The following SOX6 variants were observed in gnomAD, a reference collection of about 807,000 sequenced individuals.
SOX6 encodes the protein SRY-box transcription factor 6, also known as transcription factor SOX-6.
SOX6 carries 11 observed loss-of-function variants against 97.8 expected under a neutral mutation model. That is an observed-to-expected ratio of 0.11 (90% CI 0.07 to 0.19). The LOEUF is 0.19. SOX6 is among the 10% of genes least tolerant of loss of function. The pLI is 1.00. For synonymous variants in SOX6, 360 were observed against 371.4 expected, an observed-to-expected ratio of 0.97 and a Z score of 0.35; for missense variants, 810 against 1,039.5, an observed-to-expected ratio of 0.78 and a Z score of 3.04.
chr11:16,267,918 A>G (rs778870662), intron 3 of SOX6, among the ~76,000 whole-genome samples: 1 of 151,540 alleles, frequency 6.6e-6, no homozygotes, highest in Non-Finnish European at 1.5e-5. Context: ...ATTGGAGAAC[A>G]TCATGCTAAG....
chr11:16,138,141 G>A (rs1344798898), intron 6 of SOX6, among the ~76,000 whole-genome samples: 2 of 152,132 alleles, frequency 1.3e-5, no homozygotes, highest in Non-Finnish European at 2.9e-5. Context: ...CTTTGCCATA[G>A]TTCTACATAT....
intron 3 of SOX6, among the ~76,000 whole-genome samples, chr11:16,625,142 T>C (rs1254269713): frequency 6.6e-6 from 1 of 152,198 alleles, no homozygotes; most frequent in Non-Finnish European, 1.5e-5. Context: ...GTCCACATTA[T>C]TAGTTTTTTT....
intron 4 of SOX6, among the ~76,000 whole-genome samples, chr11:16,606,250 A>G (rs1403971426): frequency 8.1e-6 from 1 of 123,970 alleles, no homozygotes; most frequent in African/African-American, 3.0e-5. Flanking sequence ...TTTCCTTTAT[A>G]TCTTTCTTTT....
rs140500482 is a variant in SOX6, at chr11:16,559,763, A to G, written n.609+52318T>C. Among the ~76,000 whole-genome samples, 1,056 of 152,202 alleles carry G rather than the reference A, an allele frequency of 6.9e-3. 9 individuals are homozygous for G. The highest frequency in any genetic ancestry group is 0.024 in the African/African-American group (1,008 of 41,544). ...TTGCTACTGGTTTTCATGCCTTATT[A>G]ATTGTATTGTACCAGTCTTTCCAAA... On this transcript the variant is annotated intron_variant and non_coding_transcript_variant, in intron 4 of 5. Transcript: ENST00000524520.
At chr11:16,425,988 G>A (rs534096727) in intron 1 of SOX6, among the ~76,000 whole-genome samples, 10 of 151,858 alleles carry the variant, frequency 6.6e-5, no homozygotes, top group Non-Finnish European at 1.2e-4. Context: ...TGGGCGCAGT[G>A]GCTCTCACCT....
intron 1 of SOX6, among the ~76,000 whole-genome samples, chr11:16,413,258 G>A (rs1858858399): frequency 6.6e-6 from 1 of 152,042 alleles, no homozygotes; most frequent in Non-Finnish European, 1.5e-5. Flanking sequence ...TTCTTCATTC[G>A]ATAACTTTTG....
intron 3 of SOX6, among the ~76,000 whole-genome samples, chr11:16,662,889 C>A (rs775548624): frequency 2.0e-5 from 3 of 151,960 alleles, no homozygotes; most frequent in Non-Finnish European, 4.4e-5. Flanking sequence ...GATAGTGTCT[C>A]CTATGTTTCC....
rs574536191 is a variant in SOX6 at position 16,496,845 on chromosome 11, C to G, written n.610-20457G>C. 2.6e-5 allele frequency among the ~76,000 whole-genome samples: 4 copies of G among 152,284 alleles called. No individual in the cohort carries two copies. In the East Asian group the frequency reaches 7.7e-4, roughly 29 times the overall value. Reference sequence around the variant, plus strand: ...GAAGCTCAAACTGGGTGGAGCCCACCGCAGGTCAAGGAGGCCTGCCTGCCT... The same window carrying G: ...GAAGCTCAAACTGGGTGGAGCCCACGGCAGGTCAAGGAGGCCTGCCTGCCT... On this transcript the variant is annotated intron_variant and non_coding_transcript_variant, in intron 4 of 5. Transcript: ENST00000524520.
In SOX6 at chr11:16,247,261, T is replaced by A. The variant is rs564760714; in HGVS notation, c.446-12590A>T. 1.8e-4 allele frequency among the ~76,000 whole-genome samples: 27 copies of A among 152,320 alleles called. No homozygotes were observed. In the South Asian group the frequency reaches 3.9e-3, roughly 22 times the overall value. On this transcript the variant is annotated intron_variant, in intron 3 of 15. Coordinates refer to ENST00000683767, the MANE Select transcript of SOX6 (RefSeq NM_001367873.1). ...GATTTTATTCCTTTTTATCGCTGAA[T>A]AATATTTATTGTGTATATGTGCCAT... is the stretch of plus-strand genomic sequence containing the variant.
chr11:16,302,612 C>T (rs993975442), intron 3 of SOX6, among the ~76,000 whole-genome samples: 33 of 143,622 alleles, frequency 2.3e-4, no homozygotes, highest in Non-Finnish European at 4.1e-4. Flanking sequence ...GCTCTGTCAC[C>T]CAGGCTGGAG....
intron 3 of SOX6, among the ~76,000 whole-genome samples, chr11:16,674,920 G>A (rs1246546410): frequency 6.6e-6 from 1 of 152,210 alleles, no homozygotes; most frequent in East Asian, 1.9e-4. Context: ...ACACACCACT[G>A]CACTCCAGCC....
intron 2 of SOX6, among the ~76,000 whole-genome samples, chr11:16,717,993 GA>G (rs1318591182): frequency 6.7e-6 from 1 of 149,376 alleles, no homozygotes; most frequent in East Asian, 2.0e-4. Flanking sequence ...TTGGGGGAGG[GA>G]AAAGAAGGAA....
chr11:16,575,425 C>T (rs1240781551), intron 4 of SOX6, among the ~76,000 whole-genome samples: 1 of 151,948 alleles, frequency 6.6e-6, no homozygotes, highest in South Asian at 2.1e-4. Flanking sequence ...CACATGGCCA[C>T]TAAGAATGAA....
intron 2 of SOX6, among the ~76,000 whole-genome samples, chr11:16,732,489 G>A (rs1461252121): frequency 6.6e-6 from 1 of 152,132 alleles, no homozygotes; most frequent in African/African-American, 2.4e-5. Context: ...AACGGGGAAA[G>A]GATTCCTTAT....
intron 4 of SOX6, among the ~76,000 whole-genome samples, chr11:16,593,961 C>T (rs976100246): frequency 1.3e-5 from 2 of 152,112 alleles, no homozygotes; most frequent in African/African-American, 4.8e-5. Flanking sequence ...TTTTTATATG[C>T]TCTATTTACA....
At chr11:16,025,534 T>G (rs1855193842) in intron 12 of SOX6, among the ~76,000 whole-genome samples, 1 of 152,216 alleles carries the variant, frequency 6.6e-6, no homozygotes, top group African/African-American at 2.4e-5. Context: ...GGGAATTCTA[T>G]TAGTTCAAAA....
intron 4 of SOX6, among the ~76,000 whole-genome samples, chr11:16,231,188 C>T (rs1327781201): frequency 6.6e-6 from 1 of 151,564 alleles, no homozygotes; most frequent in Non-Finnish European, 1.5e-5. Context: ...GAAAGATTGA[C>T]AGCAAAACCA....
At chr11:16,273,697 A>G (rs1181339571) in intron 3 of SOX6, among the ~76,000 whole-genome samples, 1 of 152,076 alleles carries the variant, frequency 6.6e-6, no homozygotes, top group Admixed American at 6.6e-5. Flanking sequence ...ATATAATGCT[A>G]AAGAAAGATG....
chr11:16,102,032 C>T (rs1848960645), intron 7 of SOX6, among the ~76,000 whole-genome samples: 2 of 151,792 alleles, frequency 1.3e-5, no homozygotes, highest in Non-Finnish European at 2.9e-5. Context: ...CTAGCAAGAG[C>T]AATGAGACAA....
Sources: gnomAD v4.1 joint callset for allele counts (sites outside exome capture counted in the v4.1 genomes callset) on GRCh38, gnomAD v4.1.1 for gene constraint, MANE v1.5 for transcripts, NCBI Gene and HGNC (gene_info 2026-07-23, HGNC 2026-07-21) for gene names.